The following SYAP1 variants were observed in gnomAD, a reference collection of about 807,000 sequenced individuals.
SYAP1 encodes synapse associated protein 1.
Under a neutral mutation model 29.6 loss-of-function variants are expected in SYAP1, and 3 were observed. The observed-to-expected ratio is 0.10, with a 90% CI of 0.05 to 0.26. The LOEUF is 0.26. Ranked by LOEUF, SYAP1 falls within the 10% of genes least tolerant of loss-of-function variation. The pLI, the probability that SYAP1 is intolerant of heterozygous loss-of-function variation, is 1.00. For missense variants in SYAP1, 217 were observed against 264.1 expected (o/e 0.82, Z 1.24); for synonymous variants, 102 against 102.7 (o/e 0.99, Z 0.04).
At chrX:16,734,000 AT>A (rs1291959608) in intron 1 of SYAP1, among the ~76,000 whole-genome samples, 3 of 111,267 alleles carry the variant, frequency 2.7e-5, no homozygotes, top group Non-Finnish European at 5.6e-5. Context: ...CAGAAAGCTA[AT>A]TCTGTGGTTT....
In SYAP1 at chrX:16,733,810, C is replaced by T. The variant is rs373589035; in HGVS notation, c.176-1417C>T. The stretch of plus-strand genomic sequence containing the variant: ...CCTCCTGAGTAGCTGGGATTACAGG[C>T]GCACGCCACCATGCCCAGCTAAGTT... On this transcript the variant is annotated intron_variant, in intron 1 of 8. Coordinates refer to ENST00000380155, the MANE Select transcript of SYAP1 (RefSeq NM_032796.4). 7.3e-5 allele frequency among the ~76,000 whole-genome samples: 8 copies of T among 110,022 alleles called. No individual in the cohort carries two copies. The East Asian group carries it at 1.4e-3, about 20-fold the overall frequency.
chrX:16,731,916 G>T (rs887502673), intron 1 of SYAP1, among the ~76,000 whole-genome samples: 7 of 105,706 alleles, frequency 6.6e-5, no homozygotes, highest in Non-Finnish European at 1.1e-4. Flanking sequence ...CTCCAGCCTG[G>T]GCAACAAGAG....
chrX:16,757,287 AGAG>A lies in SYAP1; in HGVS notation c.913_915del (p.Glu305del), dbSNP rs781189171. 61 of 1,208,627 alleles carry A rather than the reference AGAG, an allele frequency of 5.0e-5. No individual in the cohort carries two copies. The highest frequency in any genetic ancestry group is 5.9e-5 in the Non-Finnish European group (53 of 894,734). ...AGCAACTAGTGCTTGACAAAAAGCA[AGAG>A]GAGACAGCCGTACTGGAAGGTAAAA... On this transcript the variant is annotated inframe_deletion, in exon 8 of 9. Coordinates refer to ENST00000380155, the MANE Select transcript of SYAP1 (RefSeq NM_032796.4).
intron 5 of SYAP1, among the ~76,000 whole-genome samples, chrX:16,746,604 C>A (rs1569251273): frequency 9.0e-6 from 1 of 110,936 alleles, no homozygotes; most frequent in African/African-American, 3.3e-5. Context: ...GTTTTGGAGA[C>A]GGAGTTTCGC....
chrX:16,752,352 C>T (rs1004746580), intron 5 of SYAP1, among the ~76,000 whole-genome samples: 15 of 96,408 alleles, frequency 1.6e-4, no homozygotes, highest in African/African-American at 5.2e-4. Flanking sequence ...GAAGCGAGCA[C>T]AGTTATCAAT....
rs750869150 is a variant in SYAP1, at chrX:16,737,141, GGCCAAGGC to G, written c.361+912_361+919del. Among the ~76,000 whole-genome samples, 449 of 111,810 alleles carry G rather than the reference GGCCAAGGC, an allele frequency of 4.0e-3. 1 individual carries two copies. The highest frequency in any genetic ancestry group is 0.012 in the South Asian group (32 of 2,680). On this transcript the variant is annotated intron_variant, in intron 3 of 8. Transcript: ENST00000380155. ...TAACTGTAATCCCAACACTTTGGCA[GGCCAAGGC>G]GCGAGGATCACTTGAGCCTGAACTT...
At chrX:16,759,065 G>T (rs1443861161) in intron 8 of SYAP1, among the ~76,000 whole-genome samples, 1 of 107,663 alleles carries the variant, frequency 9.3e-6, no homozygotes, top group Non-Finnish European at 1.9e-5. Context: ...GGTGGTGGGT[G>T]CCTGTAGTCC....
intron 1 of SYAP1, among the ~76,000 whole-genome samples, chrX:16,727,663 C>G (rs1926111461): frequency 9.0e-6 from 1 of 110,582 alleles, no homozygotes; most frequent in African/African-American, 3.3e-5. Flanking sequence ...TTTTTAAAGC[C>G]AAGCCCAGCC....
intron 3 of SYAP1, among the ~76,000 whole-genome samples, chrX:16,739,356 C>G (rs1926399490): frequency 1.8e-5 from 2 of 110,492 alleles, no homozygotes; most frequent in Non-Finnish European, 3.8e-5. Flanking sequence ...TGTCTTCCCT[C>G]TGACTCAGAG....
intron 7 of SYAP1, 114 bp from the exon 8 acceptor site, chrX:16,757,048 C>G (rs556963919): frequency 5.6e-5 from 54 of 958,488 alleles, no homozygotes; most frequent in Non-Finnish European, 7.6e-5. Flanking sequence ...TCTTACAGCT[C>G]GCAGAGAAAA....
At chrX:16,746,741 C>T (rs893067785) in intron 5 of SYAP1, among the ~76,000 whole-genome samples, 4 of 110,303 alleles carry the variant, frequency 3.6e-5, no homozygotes, top group Non-Finnish European at 5.7e-5. Flanking sequence ...ACGCATGCCA[C>T]CACGCCTGGC....
At position 16,760,606 on chromosome X, in the gene SYAP1, G is replaced by C. The variant is rs1434983311; in HGVS notation, c.*247G>C. The C allele has an allele frequency of 1.1e-5, 2 of 176,056 alleles. No homozygotes were observed. Among genetic ancestry groups the C allele is most frequent in the Non-Finnish European group, 1.0e-5 (1 of 95,602 alleles). The allele number at this position is 176,056 out of a possible 1,213,427, so 14.5% of individuals were successfully genotyped here. A position where few individuals can be genotyped will look rare whatever the true frequency, so the allele number is the denominator to read the frequency against. ...TATAAAGTTAGAGATGTCTTCATAG[G>C]CAGTATGGCTATCTTTGCCACAGAA... On this transcript the variant is annotated 3_prime_UTR_variant, in exon 9 of 9. Transcript: ENST00000380155.
At chrX:16,729,409 C>G (rs914870364) in intron 1 of SYAP1, among the ~76,000 whole-genome samples, 1 of 110,907 alleles carries the variant, frequency 9.0e-6, no homozygotes, top group African/African-American at 3.3e-5. Flanking sequence ...TTTTATAACC[C>G]TTTATAATTT....
At chrX:16,726,793 T>C (rs1033575348) in intron 1 of SYAP1, among the ~76,000 whole-genome samples, 1 of 111,683 alleles carries the variant, frequency 9.0e-6, no homozygotes, top group African/African-American at 3.3e-5. Flanking sequence ...GGTAGCACTC[T>C]CTGTTTCAGA....
intron 7 of SYAP1, 145 bp downstream of exon 7, chrX:16,756,866 G>A (rs1926854083): frequency 1.6e-6 from 1 of 612,035 alleles, no homozygotes; most frequent in Non-Finnish European, 2.6e-6. Context: ...AGGAACTAGG[G>A]CTGAGACTTG....
chrX:16,756,610 T>C, intron 6 of SYAP1, 53 bp from the exon 7 acceptor site: 3 of 992,846 alleles, frequency 3.0e-6, no homozygotes, highest in Non-Finnish European at 4.3e-6. Flanking sequence ...GATTATAATA[T>C]GTATTCAGAA....
chrX:16,757,677 C>T (rs942002552), intron 8 of SYAP1, among the ~76,000 whole-genome samples: 3 of 110,275 alleles, frequency 2.7e-5, no homozygotes, highest in Non-Finnish European at 3.8e-5. Flanking sequence ...GAGCCGAGAT[C>T]GCGTCACTGC....
chrX:16,745,533 C>A (rs112124062), intron 5 of SYAP1, among the ~76,000 whole-genome samples: 1 of 110,109 alleles, frequency 9.1e-6, no homozygotes, highest in African/African-American at 3.3e-5. Flanking sequence ...TGAGACCAGC[C>A]TGGGCAAATA....
chrX:16,736,373 G>T (rs928055499), intron 3 of SYAP1, 141 bp downstream of exon 3: 1 of 423,173 alleles, frequency 2.4e-6, no homozygotes, highest in African/African-American at 2.5e-5. Flanking sequence ...GACTAGTGAG[G>T]GAGACAAACC....
Sources: gnomAD v4.1 joint callset for allele counts (sites outside exome capture counted in the v4.1 genomes callset) on GRCh38, gnomAD v4.1.1 for gene constraint, MANE v1.5 for transcripts, NCBI Gene and HGNC (gene_info 2026-07-23, HGNC 2026-07-21) for gene names.